Variants in VPS13B observed in about 807,000 individuals in gnomAD.
VPS13B encodes vacuolar protein sorting 13 homolog B, also known as intermembrane lipid transfer protein VPS13B.
In VPS13B, 285 loss-of-function variants were observed where a neutral mutation model predicts 426.4. The observed-to-expected ratio is 0.67, with a 90% CI of 0.61 to 0.74. The LOEUF (loss-of-function observed/expected upper bound fraction) is 0.74. Among genes scored for constraint, VPS13B ranks in the 30% least tolerant of loss-of-function variants. The pLI, the probability that VPS13B is intolerant of heterozygous loss-of-function variation, is 0.00. For missense variants in VPS13B, 4,537 were observed against 4,782.6 expected, an observed-to-expected ratio of 0.95 and a Z score of 1.51; for synonymous variants, 1,676 against 1,676.4, an observed-to-expected ratio of 1.00 and a Z score of 0.01.
chr8:99,235,992 T>A (rs1816623702), intron 17 of VPS13B, among the ~76,000 whole-genome samples: 1 of 152,208 alleles, frequency 6.6e-6, no homozygotes, highest in East Asian at 1.9e-4. Context: ...CTGCGTAGTA[T>A]CCGAATAAGT....
rs1320099430 is a variant in VPS13B at position 99,803,686 on chromosome 8, G to A, written c.7942-5689G>A. ...AGTTTTTGGCATTATTTCAGATAAC[G>A]TTGAACATCCTGAAATTCAAATTCC... On this transcript the variant is annotated intron_variant, in intron 43 of 61. Coordinates refer to ENST00000357162, the MANE Select transcript of VPS13B (RefSeq NM_152564.5). Among the ~76,000 whole-genome samples, 19 of 152,210 alleles carry A rather than the reference G, an allele frequency of 1.2e-4. No homozygotes were observed. The South Asian group carries it at 3.1e-3, about 25-fold the overall frequency.
rs765547105 is a variant in VPS13B at position 99,511,188 on chromosome 8, C to T, written c.4309C>T (p.Arg1437Cys). The change falls in exon 29 of 62, where the codon CGC becomes TGC. Residue 1437 changes from arginine to cysteine, a missense_variant. Around this residue, in one of 2 missense-constraint regions of VPS13B, gnomAD observed 4,311 missense variants for 4,474.3 expected, o/e 0.96. Coordinates refer to ENST00000357162, the MANE Select transcript of VPS13B (RefSeq NM_152564.5). ...TYTKAVTKNV[R>C]HKLTSRNERR... ...CACAAAAGCTGTAACAAAAAATGTC[C>T]GCCACAAGTTAACATCAAGAAATGA... The T allele has an allele frequency of 8.7e-6, 14 of 1,613,820 alleles. No homozygotes were observed. Among genetic ancestry groups the T allele is most frequent in the African/African-American group, 1.3e-5 (1 of 74,900 alleles).
intron 33 of VPS13B, among the ~76,000 whole-genome samples, chr8:99,592,481 C>T (rs1194355253): frequency 6.6e-6 from 1 of 151,884 alleles, no homozygotes; most frequent in South Asian, 2.1e-4. Flanking sequence ...TTGATGCTGG[C>T]GACCTACAGA....
Position 99,442,453 on chromosome 8 carries a change from C to G in VPS13B, c.3263C>G (p.Pro1088Arg). 6.2e-7 allele frequency: 1 copy of G among 1,613,872 alleles called. No homozygotes were observed. Among genetic ancestry groups the G allele is most frequent in the Non-Finnish European group, 8.5e-7 (1 of 1,179,878 alleles). ...ATTCCAAATGATAGCCTGCCTTCCC[C>G]AAGTACAATTGTATCTGGTGACATT... ...VFIPNDSLPS[P>R]STIVSGDIPG... is the part of the protein sequence containing the mutation. The change falls in exon 23 of 62, where the codon CCA (proline) becomes CGA (arginine). Residue 1088 changes from proline (P) to arginine (R), a missense_variant. Pro to Arg is a moderately radical substitution (Grantham distance 103). Around this residue, in one of 2 missense-constraint regions of VPS13B, gnomAD observed 4,311 missense variants for 4,474.3 expected, o/e 0.96. Coordinates refer to ENST00000357162, the MANE Select transcript of VPS13B (RefSeq NM_152564.5).
chr8:99,604,481 A>G (rs1588541098), intron 33 of VPS13B, among the ~76,000 whole-genome samples: 2 of 147,192 alleles, frequency 1.4e-5, no homozygotes, highest in South Asian at 2.1e-4. Context: ...ACAGTTTCTC[A>G]TAGTTTCCTT....
intron 34 of VPS13B, among the ~76,000 whole-genome samples, chr8:99,645,147 T>C (rs1055238449): frequency 7.9e-4 from 120 of 152,302 alleles, no homozygotes; most frequent in African/African-American, 2.8e-3. Flanking sequence ...CTTCAGACCA[T>C]GCAAAAGATT....
chr8:99,498,394 G>A (rs1411785637), intron 25 of VPS13B, among the ~76,000 whole-genome samples: 1 of 151,644 alleles, frequency 6.6e-6, no homozygotes, highest in African/African-American at 2.4e-5. Flanking sequence ...CACATTCTAG[G>A]GAAAGCATTA....
chr8:99,820,446 G>T (rs1814294979), intron 49 of VPS13B, among the ~76,000 whole-genome samples: 1 of 152,130 alleles, frequency 6.6e-6, no homozygotes, highest in Non-Finnish European at 1.5e-5. Context: ...GCCATCATGT[G>T]TGCTTATCCA....
At chr8:99,490,093 G>C (rs1031438925) in intron 25 of VPS13B, among the ~76,000 whole-genome samples, 1 of 152,146 alleles carries the variant, frequency 6.6e-6, no homozygotes, top group African/African-American at 2.4e-5. Context: ...CTAGTTTATT[G>C]AGAGTTTTTA....
intron 16 of VPS13B, among the ~76,000 whole-genome samples, chr8:99,187,961 G>A (rs1813311271): frequency 2.6e-5 from 4 of 151,508 alleles, no homozygotes; most frequent in African/African-American, 4.9e-5. Context: ...GTGAGACCCT[G>A]TCTTAAAAAG....
chr8:99,156,783 G>T, intron 15 of VPS13B, 40 bp downstream of exon 15: 1 of 1,605,826 alleles, frequency 6.2e-7, no homozygotes, highest in South Asian at 1.1e-5. Context: ...GCATGGGTTT[G>T]GCTTTGGGAT....
chr8:99,805,067 AATATAT>A lies in VPS13B; in HGVS notation c.7942-4296_7942-4291del, dbSNP rs142498493. ...ATAATATATAAAAATATATTACCAGAATATATATATATATATACAGTAGTTTATTTC... is the reference window on the plus strand; with the variant it reads ...ATAATATATAAAAATATATTACCAGAATATATATATACAGTAGTTTATTTC... On this transcript the variant is annotated intron_variant, in intron 43 of 61. Coordinates refer to ENST00000357162, the MANE Select transcript of VPS13B (RefSeq NM_152564.5). 2.2e-3 allele frequency among the ~76,000 whole-genome samples: 330 copies of A among 147,832 alleles called. 6 individuals are homozygous for A. The highest frequency in any genetic ancestry group is 1.9e-3 in the Non-Finnish European group (129 of 66,802).
Position 99,556,623 on chromosome 8 carries a change from A to T in VPS13B, c.4919A>T (p.Asn1640Ile). Residue 1640 changes from asparagine (N) to isoleucine (I), a missense_variant, in exon 31 of 62, where the codon AAT becomes ATT. Coordinates refer to ENST00000357162, the MANE Select transcript of VPS13B (RefSeq NM_152564.5). ...ACAGAGACTGAAAGGAATTCTCAAA[A>T]TCCAGCCCTTGAGTGGAATATGGCC... ...VVTETERNSQ[N>I]PALEWNMASS... 6.2e-7 allele frequency: 1 copy of T among 1,613,058 alleles called. No homozygotes were observed. The highest frequency in any genetic ancestry group is 8.5e-7 in the Non-Finnish European group (1 of 1,179,422).
chr8:99,412,560 A>C (rs568492848), intron 21 of VPS13B, among the ~76,000 whole-genome samples: 2 of 152,120 alleles, frequency 1.3e-5, no homozygotes, highest in East Asian at 1.9e-4. Context: ...AATACCCTTT[A>C]TTTCTTTCTC....
chr8:99,808,796 CAA>C lies in VPS13B; in HGVS notation c.7942-568_7942-567del, dbSNP rs771016121. Among the ~76,000 whole-genome samples, 591 of 128,440 alleles carry C rather than the reference CAA, an allele frequency of 4.6e-3. 4 individuals are homozygous for C. Among genetic ancestry groups the C allele is most frequent in the African/African-American group, 0.014 (510 of 35,710 alleles). The allele number at this position is 128,440 out of a possible 152,430, so 84.3% of individuals were successfully genotyped here. A position where few individuals can be genotyped will look rare whatever the true frequency, so the allele number is the denominator to read the frequency against. ...GGTAAATGTTACAATAAGTACATAA[CAA>C]AAAAAAAAAAGAACAAATACATCAT... On this transcript the variant is annotated intron_variant, in intron 43 of 61. Coordinates refer to ENST00000357162, the MANE Select transcript of VPS13B (RefSeq NM_152564.5).
At chr8:99,555,051 C>T (rs1314048865) in intron 30 of VPS13B, among the ~76,000 whole-genome samples, 3 of 152,110 alleles carry the variant, frequency 2.0e-5, no homozygotes, top group Non-Finnish European at 2.9e-5. Context: ...TGACCAGTGG[C>T]TGTTTGTTCC....
At chr8:99,134,485 T>G in intron 8 of VPS13B, 147 bp from the exon 9 acceptor site, 1 of 617,792 alleles carries the variant, frequency 1.6e-6, no homozygotes, top group Non-Finnish European at 2.8e-6. Context: ...CTGTTACAGC[T>G]GTTTTTGTTG....
At chr8:99,752,766 C>CT (rs1810463088) in intron 39 of VPS13B, among the ~76,000 whole-genome samples, 1 of 152,320 alleles carries the variant, frequency 6.6e-6, no homozygotes, top group African/African-American at 2.4e-5. Flanking sequence ...AACCTATTAT[C>CT]TACCTCTGAA....
intron 3 of VPS13B, among the ~76,000 whole-genome samples, chr8:99,082,052 G>A (rs1845503774): frequency 6.6e-6 from 1 of 152,168 alleles, no homozygotes; most frequent in Non-Finnish European, 1.5e-5. Context: ...CTTCTACAGT[G>A]GTTGAACTAG....
Sources: gnomAD v4.1 joint callset for allele counts (sites outside exome capture counted in the v4.1 genomes callset) on GRCh38, gnomAD v4.1.1 for gene constraint, gnomAD v4.1.1 regional missense constraint, MANE v1.5 for transcripts, NCBI Gene and HGNC (gene_info 2026-07-23, HGNC 2026-07-21) for gene names.